The following BPTF variants were observed in gnomAD, a reference collection of about 807,000 sequenced individuals.
BPTF encodes bromodomain PHD finger transcription factor, also known as nucleosome-remodeling factor subunit BPTF.
Under a neutral mutation model 292.5 loss-of-function variants are expected in BPTF, and 18 were observed. The observed-to-expected ratio is 0.06, with a 90% CI of 0.04 to 0.09. The LOEUF (loss-of-function observed/expected upper bound fraction) is 0.09. BPTF is among the 10% of genes least tolerant of loss of function. BPTF has a pLI of 1.00. For synonymous variants in BPTF, 1,225 were observed against 1,251.9 expected (o/e 0.98, Z 0.45); for missense variants, 2,726 against 3,498.7 (o/e 0.78, Z 5.57).
In BPTF at chr17:67,912,877, C is replaced by G; in HGVS notation, c.4993C>G (p.Leu1665Val). 1.2e-6 allele frequency: 2 copies of G among 1,614,094 alleles called. No homozygotes were observed. The highest frequency in any genetic ancestry group is 1.7e-6 in the Non-Finnish European group (2 of 1,180,028). Residue 1665 changes from leucine to valine, a missense_variant, in exon 11 of 28, where the codon CTG (leucine) becomes GTG (valine). Leu to Val is a conservative substitution (Grantham distance 32). Around this residue, in one of 22 missense-constraint regions of BPTF, gnomAD observed 144 missense variants for 177.2 expected, o/e 0.81. Transcript: ENST00000306378. ...GGTCACCACGACAGTGACAGACTCCCTGACCACCACGGGAGGCACACTGGT... is the reference window on the plus strand; with the variant it reads ...GGTCACCACGACAGTGACAGACTCCGTGACCACCACGGGAGGCACACTGGT... ...TVVTTTVTDS[L>V]TTTGGTLVTS...
At chr17:67,857,891 G>A (rs922959635) in intron 2 of BPTF, among the ~76,000 whole-genome samples, 2 of 147,410 alleles carry the variant, frequency 1.4e-5, no homozygotes, top group Admixed American at 6.9e-5. Flanking sequence ...AGGTTCAAGC[G>A]ATTCTCCTGC....
intron 4 of BPTF, among the ~76,000 whole-genome samples, chr17:67,887,485 AG>A (rs2060822469): frequency 1.3e-5 from 2 of 152,146 alleles, no homozygotes; most frequent in East Asian, 3.8e-4. Flanking sequence ...TGTTTTATTG[AG>A]GAGGGTTATC....
At chr17:67,895,114 A>G (rs894448678) in intron 7 of BPTF, among the ~76,000 whole-genome samples, 2 of 152,168 alleles carry the variant, frequency 1.3e-5, no homozygotes, top group African/African-American at 4.8e-5. Flanking sequence ...TATAAATACA[A>G]GCCAGGCACA....
intron 1 of BPTF, among the ~76,000 whole-genome samples, chr17:67,830,489 C>G (rs185743095): frequency 2.6e-5 from 4 of 152,280 alleles, no homozygotes; most frequent in Admixed American, 2.0e-4. Flanking sequence ...AGTATAATTT[C>G]TGATTGCTGC....
At chr17:67,953,098 A>G (rs536962018) in intron 23 of BPTF, among the ~76,000 whole-genome samples, 168 of 150,476 alleles carry the variant, frequency 1.1e-3, no homozygotes, top group African/African-American at 3.8e-3. Context: ...AGTAGCTGGG[A>G]CTACAGGCGC....
At chr17:67,885,557 T>G (rs1200143931) in intron 4 of BPTF, among the ~76,000 whole-genome samples, 2 of 152,186 alleles carry the variant, frequency 1.3e-5, no homozygotes, top group Admixed American at 1.3e-4. Flanking sequence ...GCCACTGCAC[T>G]CCAGCCTGCG....
chr17:67,979,321 G>A (rs540191989), intron 27 of BPTF, among the ~76,000 whole-genome samples: 2 of 152,212 alleles, frequency 1.3e-5, no homozygotes, highest in South Asian at 4.1e-4. Context: ...GCCAAGGCAC[G>A]TGGATCATCT....
chr17:67,851,974 A>G (rs2058436840), intron 1 of BPTF, among the ~76,000 whole-genome samples: 1 of 150,040 alleles, frequency 6.7e-6, no homozygotes, highest in Admixed American at 6.7e-5. Flanking sequence ...GAGAGATACC[A>G]GATTAGTGTT....
chr17:67,856,111 G>A (rs1446337269), intron 2 of BPTF, among the ~76,000 whole-genome samples: 1 of 152,102 alleles, frequency 6.6e-6, no homozygotes, highest in Non-Finnish European at 1.5e-5. Context: ...TTGAACGTTG[G>A]ACTTCCTATT....
intron 3 of BPTF, among the ~76,000 whole-genome samples, chr17:67,873,069 A>C (rs1007922834): frequency 5.9e-5 from 9 of 152,234 alleles, no homozygotes; most frequent in Non-Finnish European, 1.2e-4. Flanking sequence ...AGCAAGAGTG[A>C]GACTCTGTCT....
chr17:67,974,633 A>G (rs1376932361), intron 26 of BPTF: 1 of 152,264 alleles, frequency 6.6e-6, no homozygotes, highest in Non-Finnish European at 1.5e-5. Context: ...AGTAATTTGC[A>G]GGAGCAGCTC....
chr17:67,983,579 A>G lies in BPTF; in HGVS notation c.*1291A>G, dbSNP rs2070634546. The G allele has an allele frequency of 6.6e-6, 1 of 152,652 alleles. No homozygotes were observed. Among genetic ancestry groups the G allele is most frequent in the Non-Finnish European group, 1.5e-5 (1 of 68,056 alleles). The allele number at this position is 152,652 out of a possible 1,614,324, so 9.5% of individuals were successfully genotyped here. ...AGGAAAAGTAGTGTAAACAGTAGCGAGAAAATGGAAACCACAGAGGAAGAT... is the reference window on the plus strand; with the variant it reads ...AGGAAAAGTAGTGTAAACAGTAGCGGGAAAATGGAAACCACAGAGGAAGAT... On this transcript the variant is annotated 3_prime_UTR_variant, in exon 28 of 28. Coordinates refer to ENST00000306378, the MANE Select transcript of BPTF (RefSeq NM_182641.4).
intron 2 of BPTF, among the ~76,000 whole-genome samples, chr17:67,860,033 C>T (rs2058980979): frequency 1.3e-5 from 2 of 152,078 alleles, no homozygotes; most frequent in Admixed American, 1.3e-4. Context: ...TAAAACTGTT[C>T]ATTTAAGTTT....
intron 2 of BPTF, among the ~76,000 whole-genome samples, chr17:67,860,340 A>G (rs1337428453): frequency 1.3e-5 from 2 of 152,208 alleles, no homozygotes; most frequent in Non-Finnish European, 2.9e-5. Flanking sequence ...TTTTAAAGCC[A>G]TGTAGAATTT....
intron 23 of BPTF, among the ~76,000 whole-genome samples, chr17:67,957,753 G>T (rs1282197188): frequency 1.3e-5 from 2 of 152,176 alleles, no homozygotes; most frequent in Non-Finnish European, 1.5e-5. Context: ...TACTTGAAGG[G>T]GTTGAGGTGG....
chr17:67,907,030 C>G (rs1235395094), intron 9 of BPTF, among the ~76,000 whole-genome samples: 3 of 151,858 alleles, frequency 2.0e-5, no homozygotes, highest in Non-Finnish European at 4.4e-5. Context: ...ACAAAAAATG[C>G]AAAAATTAGC....
rs1490625101 is a variant in BPTF at position 67,874,809 on chromosome 17, C to T, written c.1661-8C>T. The stretch of plus-strand genomic sequence containing the variant: ...GAATAATTTTTTTGTTTGTTTTACA[C>T]ATTATAGAAGAAATTTTGGAATCCA... On this transcript the variant is annotated splice_polypyrimidine_tract_variant and splice_region_variant and intron_variant, in intron 3 of 27. Coordinates refer to ENST00000306378, the MANE Select transcript of BPTF (RefSeq NM_182641.4). 4 of 1,591,900 alleles carry T rather than the reference C, an allele frequency of 2.5e-6. No homozygotes were observed. Among genetic ancestry groups the T allele is most frequent in the African/African-American group, 1.4e-5 (1 of 73,450 alleles).
intron 1 of BPTF, among the ~76,000 whole-genome samples, chr17:67,852,313 G>C (rs1212405941): frequency 6.6e-6 from 1 of 151,920 alleles, no homozygotes; most frequent in Non-Finnish European, 1.5e-5. Context: ...GAAAATACAT[G>C]TATGAATTAT....
At chr17:67,914,745 C>T (rs2062868620) in intron 11 of BPTF, among the ~76,000 whole-genome samples, 2 of 152,120 alleles carry the variant, frequency 1.3e-5, no homozygotes, top group South Asian at 2.1e-4. Context: ...TCAAGTGTTG[C>T]TCGGGGCCCT....
Sources: gnomAD v4.1 joint callset for allele counts (sites outside exome capture counted in the v4.1 genomes callset) on GRCh38, gnomAD v4.1.1 for gene constraint, gnomAD v4.1.1 regional missense constraint, MANE v1.5 for transcripts, NCBI Gene and HGNC (gene_info 2026-07-23, HGNC 2026-07-21) for gene names.